Variants in KCNH5 observed in about 807,000 individuals in gnomAD.
KCNH5 encodes voltage-gated delayed rectifier potassium channel KCNH5.
A neutral mutation model predicts 96.1 loss-of-function variants in KCNH5; 46 were observed. The observed-to-expected ratio is 0.48, with a 90% CI of 0.38 to 0.61. KCNH5 has a LOEUF of 0.61. Ranked by LOEUF, KCNH5 falls within the 20% of genes least tolerant of loss-of-function variation. KCNH5 has a pLI of 0.00. For missense variants in KCNH5, 907 were observed against 1,225.8 expected (o/e 0.74, Z 3.88); for synonymous variants, 439 against 449.8 (o/e 0.98, Z 0.30).
chr14:62,851,989 T>A (rs1887816749), intron 7 of KCNH5, among the ~76,000 whole-genome samples: 1 of 152,202 alleles, frequency 6.6e-6, no homozygotes, highest in Non-Finnish European at 1.5e-5. Context: ...TCTGCAGCAC[T>A]AATAAGTGAA....
chr14:63,043,704 T>C (rs1891868881), intron 1 of KCNH5, among the ~76,000 whole-genome samples: 1 of 152,130 alleles, frequency 6.6e-6, no homozygotes, highest in African/African-American at 2.4e-5. Context: ...TAAAAACAAA[T>C]AACAAGTCAG....
intron 1 of KCNH5, among the ~76,000 whole-genome samples, chr14:63,032,098 T>C (rs1174055010): frequency 6.4e-5 from 8 of 125,484 alleles, no homozygotes; most frequent in African/African-American, 2.2e-4. Context: ...AAAAAGGACT[T>C]CACAAAAAAA....
intron 8 of KCNH5, among the ~76,000 whole-genome samples, chr14:62,817,488 G>A (rs1392068318): frequency 6.7e-6 from 1 of 148,940 alleles, no homozygotes; most frequent in African/African-American, 2.4e-5. Flanking sequence ...AAAATATTCG[G>A]TTTGAGGAGA....
chr14:62,947,724 C>A (rs1210310451), intron 7 of KCNH5, among the ~76,000 whole-genome samples: 3 of 152,102 alleles, frequency 2.0e-5, no homozygotes, highest in African/African-American at 4.8e-5. Flanking sequence ...GACACACACA[C>A]ACACACACAC....
At chr14:62,915,933 CTTTTTTTCTTTTTTTTTCT>C (rs1398641810) in intron 7 of KCNH5, among the ~76,000 whole-genome samples, 5 of 149,464 alleles carry the variant, frequency 3.3e-5, no homozygotes, top group African/African-American at 7.4e-5. Flanking sequence ...GCCAGGGTTT[CTTTTTTTCTTTTTTTTTCT>C]TTTTTTTCTT....
intron 4 of KCNH5, among the ~76,000 whole-genome samples, chr14:62,997,899 C>CAA (rs568941043): frequency 0.04 from 2,439 of 60,594 alleles, 169 homozygotes; most frequent in East Asian, 0.16. Context: ...GACTCCATCT[C>CAA]AAAAAAAAAA....
At chr14:62,904,811 C>T (rs1343338748) in intron 7 of KCNH5, among the ~76,000 whole-genome samples, 1 of 152,270 alleles carries the variant, frequency 6.6e-6, no homozygotes. Context: ...AAGCCAAATG[C>T]ATATCCTGCA....
chr14:62,960,645 T>C (rs920162134), intron 6 of KCNH5, among the ~76,000 whole-genome samples: 1 of 152,142 alleles, frequency 6.6e-6, no homozygotes, highest in African/African-American at 2.4e-5. Context: ...TCCATTTCCA[T>C]TTCCTTTTGT....
intron 7 of KCNH5, among the ~76,000 whole-genome samples, chr14:62,908,780 G>GTTTTTTTTTTT (rs1451340124): frequency 5.1e-5 from 1 of 19,800 alleles, no homozygotes; most frequent in Non-Finnish European, 9.5e-5. Flanking sequence ...ATTTTGCTTT[G>GTTTTTTTTTTT]TATTTTTTTT....
intron 8 of KCNH5, among the ~76,000 whole-genome samples, chr14:62,830,410 T>G (rs916599561): frequency 6.6e-6 from 1 of 152,192 alleles, no homozygotes; most frequent in African/African-American, 2.4e-5. Context: ...TACCTAAGAC[T>G]GGATAATTTA....
intron 8 of KCNH5, among the ~76,000 whole-genome samples, chr14:62,816,819 G>C (rs930867174): frequency 7.3e-5 from 11 of 151,514 alleles, no homozygotes; most frequent in African/African-American, 2.7e-4. Flanking sequence ...ATTTCCATAA[G>C]CTCTCTTCAC....
At chr14:62,917,145 A>G (rs1889290645) in intron 7 of KCNH5, among the ~76,000 whole-genome samples, 1 of 152,186 alleles carries the variant, frequency 6.6e-6, no homozygotes, top group South Asian at 2.1e-4. Context: ...TGACACTTTG[A>G]TTTGCCATAG....
At position 62,708,378 on chromosome 14, in the gene KCNH5, G is replaced by T. The variant is rs148812753; in HGVS notation, c.2097C>A (p.Ser699Arg). The T allele has an allele frequency of 2.6e-4, 424 of 1,613,600 alleles. No homozygotes were observed. The highest frequency in any genetic ancestry group is 1.5e-3 in the Admixed American group (89 of 60,022). The change falls in exon 11 of 11, where the codon AGC becomes AGA. Residue 699 changes from serine to arginine, a missense_variant. Coordinates refer to ENST00000322893, the MANE Select transcript of KCNH5 (RefSeq NM_139318.5). ...RLRQKNEVTLSIPVDHPVRKL... is the reference protein window; with the variant it reads ...RLRQKNEVTLRIPVDHPVRKL... ...TTCTGACTGGGTGGTCCACGGGAAT[G>T]CTGAGGGTCACCTCATTCTTCTGCC...
intron 10 of KCNH5, among the ~76,000 whole-genome samples, chr14:62,744,804 C>T (rs1885342219): frequency 1.3e-5 from 2 of 152,178 alleles, no homozygotes; most frequent in African/African-American, 4.8e-5. Context: ...CCTCTTCTGA[C>T]TTGAAATAGC....
chr14:62,898,707 A>T (rs1443342629), intron 7 of KCNH5, among the ~76,000 whole-genome samples: 1 of 152,200 alleles, frequency 6.6e-6, no homozygotes, highest in Non-Finnish European at 1.5e-5. Flanking sequence ...AATAGCAGAC[A>T]AAATGTTCCT....
At chr14:62,825,269 C>T (rs1043977453) in intron 8 of KCNH5, among the ~76,000 whole-genome samples, 5 of 152,036 alleles carry the variant, frequency 3.3e-5, no homozygotes, top group Admixed American at 2.0e-4. Context: ...TATGTGTTTC[C>T]TGTTCTACGA....
At chr14:62,846,382 G>A (rs1054391497) in intron 8 of KCNH5, among the ~76,000 whole-genome samples, 12 of 152,010 alleles carry the variant, frequency 7.9e-5, no homozygotes, top group Admixed American at 5.9e-4. Flanking sequence ...GTTTTCTAGT[G>A]TGAAAGATTT....
chr14:62,957,838 T>C (rs1890133993), intron 6 of KCNH5, among the ~76,000 whole-genome samples: 1 of 152,190 alleles, frequency 6.6e-6, no homozygotes, highest in Non-Finnish European at 1.5e-5. Context: ...TGACCACAGA[T>C]GCATGAGTAA....
intron 10 of KCNH5, among the ~76,000 whole-genome samples, chr14:62,718,079 T>G (rs1220048389): frequency 6.6e-6 from 1 of 151,968 alleles, no homozygotes; most frequent in African/African-American, 2.4e-5. Flanking sequence ...TACACACAGA[T>G]GTAAAGACAG....
Sources: gnomAD v4.1 joint callset for allele counts (sites outside exome capture counted in the v4.1 genomes callset) on GRCh38, gnomAD v4.1.1 for gene constraint, MANE v1.5 for transcripts, NCBI Gene and HGNC (gene_info 2026-07-23, HGNC 2026-07-21) for gene names.